Variants in MAPK4 observed in about 807,000 individuals in gnomAD.
The protein encoded by MAPK4 is Erk3-related.
Under a neutral mutation model 47.7 loss-of-function variants are expected in MAPK4, and 22 were observed. That is an observed-to-expected ratio of 0.46 (90% CI 0.33 to 0.66). The LOEUF is 0.66. Among genes scored for constraint, MAPK4 ranks in the 30% least tolerant of loss-of-function variants. The probability of loss-of-function intolerance (pLI) is 0.02; values close to 1 mark genes in which losing one functional copy is unlikely to be tolerated. For synonymous variants in MAPK4, 390 were observed against 365.7 expected (o/e 1.07, Z -0.76); for missense variants, 736 against 831.7 (o/e 0.88, Z 1.42).
chr18:50,569,653 G>C (rs2042233017), intron 1 of MAPK4, among the ~76,000 whole-genome samples: 2 of 152,188 alleles, frequency 1.3e-5, no homozygotes, highest in African/African-American at 2.4e-5. Context: ...TATCACTAAA[G>C]ATAGAAACTA....
At chr18:50,631,530 T>G (rs2042829977) in intron 1 of MAPK4, among the ~76,000 whole-genome samples, 1 of 152,192 alleles carries the variant, frequency 6.6e-6, no homozygotes, top group Non-Finnish European at 1.5e-5. Flanking sequence ...ACTTAGCGTC[T>G]CCTAAGTGTG....
intron 1 of MAPK4, among the ~76,000 whole-genome samples, chr18:50,633,942 C>A (rs1055037706): frequency 2.0e-5 from 3 of 151,980 alleles, no homozygotes; most frequent in Non-Finnish European, 2.9e-5. Context: ...TAGGTGGGGG[C>A]CTTAGTAAGA....
chr18:50,611,429 T>C (rs545926771), intron 1 of MAPK4, among the ~76,000 whole-genome samples: 85 of 152,340 alleles, frequency 5.6e-4, no homozygotes, highest in South Asian at 1.0e-3. Flanking sequence ...CATTCAGAAG[T>C]TACTTGCTCA....
At chr18:50,683,020 G>A (rs1908671662) in intron 2 of MAPK4, among the ~76,000 whole-genome samples, 1 of 152,170 alleles carries the variant, frequency 6.6e-6, no homozygotes, top group African/African-American at 2.4e-5. Context: ...TCTAGAAAAT[G>A]CAAACTAATC....
At chr18:50,574,986 A>T (rs2042282461) in intron 1 of MAPK4, among the ~76,000 whole-genome samples, 1 of 152,220 alleles carries the variant, frequency 6.6e-6, no homozygotes, top group Non-Finnish European at 1.5e-5. Flanking sequence ...CTCCTCCTTC[A>T]GCAAGGAGCA....
chr18:50,634,453 G>C (rs1180063756), intron 1 of MAPK4, among the ~76,000 whole-genome samples: 1 of 152,146 alleles, frequency 6.6e-6, no homozygotes, highest in Non-Finnish European at 1.5e-5. Context: ...CCGAACACGA[G>C]TAGTCTCTTA....
intron 1 of MAPK4, among the ~76,000 whole-genome samples, chr18:50,636,199 C>A (rs149234895): frequency 6.6e-6 from 1 of 152,302 alleles, no homozygotes; most frequent in East Asian, 1.9e-4. Flanking sequence ...CTTCTCAGGT[C>A]CTGGCCCCAA....
chr18:50,618,668 A>G (rs1030021632), intron 1 of MAPK4, among the ~76,000 whole-genome samples: 2 of 152,136 alleles, frequency 1.3e-5, no homozygotes, highest in Non-Finnish European at 2.9e-5. Context: ...TCTAAAATGT[A>G]TGAAGGTAAT....
At chr18:50,670,418 ACT>A in intron 2 of MAPK4, among the ~76,000 whole-genome samples, 1 of 152,082 alleles carries the variant, frequency 6.6e-6, no homozygotes, top group East Asian at 1.9e-4. Flanking sequence ...TCAAGATCAG[ACT>A]GCTTCCATGC....
chr18:50,697,033 G>A (rs1037304502), intron 2 of MAPK4, among the ~76,000 whole-genome samples: 4 of 151,952 alleles, frequency 2.6e-5, no homozygotes, highest in Admixed American at 1.3e-4. Context: ...GCATCCCCTC[G>A]GAACTCATTA....
intron 1 of MAPK4, among the ~76,000 whole-genome samples, chr18:50,599,313 A>T (rs951336721): frequency 6.6e-6 from 1 of 152,158 alleles, no homozygotes; most frequent in African/African-American, 2.4e-5. Flanking sequence ...TAAAAACCCT[A>T]TCAGTCTTTT....
intron 1 of MAPK4, among the ~76,000 whole-genome samples, chr18:50,568,610 G>T (rs1013549343): frequency 1.3e-5 from 2 of 152,190 alleles, no homozygotes; most frequent in African/African-American, 4.8e-5. Context: ...GGGAGTTAGG[G>T]TTAGGAATAT....
chr18:50,627,639 A>T lies in MAPK4; in HGVS notation c.-870-35450A>T, dbSNP rs551006589. 2.8e-4 allele frequency among the ~76,000 whole-genome samples: 42 copies of T among 152,326 alleles called. 1 individual carries two copies. The highest frequency in any genetic ancestry group is 3.4e-3 in the Middle Eastern group (1 of 294). Reference sequence around the variant, plus strand: ...AGCATTGAACAAACTTCCTCACAGTAACCTGGCAAGGAGGGCAGAGCCTAT... The same window carrying T: ...AGCATTGAACAAACTTCCTCACAGTTACCTGGCAAGGAGGGCAGAGCCTAT... On this transcript the variant is annotated intron_variant, in intron 1 of 5. Coordinates refer to ENST00000400384, the MANE Select transcript of MAPK4 (RefSeq NM_002747.4).
intron 1 of MAPK4, among the ~76,000 whole-genome samples, chr18:50,607,668 C>T (rs989999888): frequency 5.9e-5 from 9 of 152,172 alleles, no homozygotes; most frequent in African/African-American, 1.4e-4. Context: ...CCTTAGGAAC[C>T]ACTCTCAGTC....
intron 1 of MAPK4, among the ~76,000 whole-genome samples, chr18:50,590,624 T>C (rs2042428960): frequency 6.6e-6 from 1 of 152,252 alleles, no homozygotes; most frequent in South Asian, 2.1e-4. Flanking sequence ...AACACAGATA[T>C]ATCACTGGAA....
chr18:50,645,027 G>T (rs2042975331), intron 1 of MAPK4, among the ~76,000 whole-genome samples: 1 of 152,212 alleles, frequency 6.6e-6, no homozygotes, highest in Non-Finnish European at 1.5e-5. Flanking sequence ...CCATCTAGAG[G>T]GAAGGTGAGG....
At chr18:50,718,851 G>A (rs1910773460) in intron 3 of MAPK4, among the ~76,000 whole-genome samples, 1 of 152,052 alleles carries the variant, frequency 6.6e-6, no homozygotes, top group South Asian at 2.1e-4. Flanking sequence ...GGAGGCCGAG[G>A]TGGGCGGATT....
At chr18:50,719,708 C>T (rs1160459155) in intron 3 of MAPK4, among the ~76,000 whole-genome samples, 5 of 152,300 alleles carry the variant, frequency 3.3e-5, no homozygotes, top group East Asian at 1.9e-4. Flanking sequence ...TCAGGCCAGA[C>T]GGAGAAGAGC....
At chr18:50,572,711 C>T (rs553864857) in intron 1 of MAPK4, among the ~76,000 whole-genome samples, 27 of 152,300 alleles carry the variant, frequency 1.8e-4, no homozygotes, top group African/African-American at 6.5e-4. Flanking sequence ...CCACCATTTA[C>T]CTGCTGAATT....
Sources: allele counts gnomAD v4.1 joint callset (sites outside exome capture counted in the v4.1 genomes callset), GRCh38; gene constraint gnomAD v4.1.1; transcripts MANE v1.5; gene names NCBI Gene and HGNC (gene_info 2026-07-23, HGNC 2026-07-21).